The following ZBTB7C variants were observed in gnomAD, a reference collection of about 807,000 sequenced individuals.
ZBTB7C encodes zinc finger and BTB domain containing 7C, also known as zinc finger and BTB domain-containing protein 7C.
ZBTB7C carries 8 observed loss-of-function variants against 25.7 expected under a neutral mutation model. The ratio of observed to expected loss-of-function variants is 0.31; its 90% CI spans 0.18 to 0.56. ZBTB7C has a LOEUF of 0.56. ZBTB7C is among the 20% of genes least tolerant of loss of function. ZBTB7C has a pLI of 0.91. For missense variants in ZBTB7C, 824 were observed against 855.2 expected (o/e 0.96, Z 0.46); for synonymous variants, 394 against 369.0 (o/e 1.07, Z -0.78).
intron 1 of ZBTB7C, among the ~76,000 whole-genome samples, chr18:48,390,640 G>A (rs1023534588): frequency 1.3e-5 from 2 of 152,300 alleles, no homozygotes; most frequent in African/African-American, 4.8e-5. Context: ...TTCCAGCCCT[G>A]ACCAGGGGCT....
At chr18:48,308,314 C>T (rs2045727358) in intron 2 of ZBTB7C, among the ~76,000 whole-genome samples, 1 of 152,228 alleles carries the variant, frequency 6.6e-6, no homozygotes, top group South Asian at 2.1e-4. Context: ...CTCTGCCCTT[C>T]CCCAGCTATT....
chr18:48,309,967 G>A (rs9962010), intron 2 of ZBTB7C, among the ~76,000 whole-genome samples: 2 of 151,926 alleles, frequency 1.3e-5, no homozygotes, highest in Non-Finnish European at 2.9e-5. Context: ...CGGTGGCTCA[G>A]GCCTGTAATC....
At chr18:48,312,357 T>C (rs536249723) in intron 2 of ZBTB7C, among the ~76,000 whole-genome samples, 7 of 152,328 alleles carry the variant, frequency 4.6e-5, no homozygotes, top group South Asian at 4.1e-4. Flanking sequence ...TGGCCTTTGC[T>C]GGCCACCCCA....
chr18:48,255,615 TAATCTTTACAAGA>T (rs143675350), intron 2 of ZBTB7C, among the ~76,000 whole-genome samples: 1,563 of 152,340 alleles, frequency 0.01, 23 homozygotes, highest in African/African-American at 0.035. Context: ...CTATCTGCTT[TAATCTTTACAAGA>T]AAAGTAACTT....
At chr18:48,296,846 C>A (rs959306769) in intron 2 of ZBTB7C, among the ~76,000 whole-genome samples, 3 of 152,056 alleles carry the variant, frequency 2.0e-5, no homozygotes, top group Non-Finnish European at 4.4e-5. Flanking sequence ...CTCACAGGAG[C>A]GCGAACTCTA....
intron 2 of ZBTB7C, among the ~76,000 whole-genome samples, chr18:48,293,013 T>C (rs1160826323): frequency 2.0e-5 from 3 of 152,344 alleles, no homozygotes; most frequent in South Asian, 2.1e-4. Flanking sequence ...AGACAGGAAC[T>C]GTGTCTCACT....
intron 2 of ZBTB7C, among the ~76,000 whole-genome samples, chr18:48,250,881 CTTCTT>C (rs1037917800): frequency 4.6e-5 from 7 of 151,690 alleles, no homozygotes; most frequent in African/African-American, 1.7e-4. Context: ...CCCACTAATG[CTTCTT>C]TTCTTGTGAT....
chr18:48,152,425 A>C (rs1472217399), intron 3 of ZBTB7C, among the ~76,000 whole-genome samples: 2 of 152,230 alleles, frequency 1.3e-5, no homozygotes, highest in Non-Finnish European at 2.9e-5. Context: ...AGGGAAAGAT[A>C]AAATAATCAT....
At position 48,120,323 on chromosome 18, in the gene ZBTB7C, C is replaced by G. The variant is rs1216741060; in HGVS notation, c.-17+65611G>C. 2.0e-5 allele frequency among the ~76,000 whole-genome samples: 3 copies of G among 152,130 alleles called. No homozygotes were observed. In the East Asian group the frequency reaches 5.8e-4, roughly 29 times the overall value. On this transcript the variant is annotated intron_variant, in intron 3 of 4. Transcript: ENST00000590800. ...TGGACCTCAGAGGCAGCCATGGAGG[C>G]GAAAGAAGTGGTCAGGTAATGGCTA...
At chr18:48,099,270 G>A (rs1356433089) in intron 3 of ZBTB7C, among the ~76,000 whole-genome samples, 2 of 152,170 alleles carry the variant, frequency 1.3e-5, no homozygotes, top group Non-Finnish European at 2.9e-5. Flanking sequence ...TTTAGGAAGG[G>A]GCATCAGTGT....
intron 1 of ZBTB7C, among the ~76,000 whole-genome samples, chr18:48,382,771 T>A (rs909883917): frequency 1.3e-5 from 2 of 152,240 alleles, no homozygotes; most frequent in African/African-American, 4.8e-5. Flanking sequence ...TTTGCTTATA[T>A]ACAGATTAGG....
intron 3 of ZBTB7C, among the ~76,000 whole-genome samples, chr18:48,068,051 C>G (rs2037396081): frequency 6.6e-6 from 1 of 152,110 alleles, no homozygotes; most frequent in Admixed American, 6.5e-5. Flanking sequence ...CACTCTCCAT[C>G]CTATTGGTTC....
At chr18:48,288,593 T>G (rs764811047) in intron 2 of ZBTB7C, among the ~76,000 whole-genome samples, 1 of 148,260 alleles carries the variant, frequency 6.7e-6, no homozygotes, top group African/African-American at 2.5e-5. Flanking sequence ...GAGGTGGAGG[T>G]TGCAGTGAGC....
At chr18:48,344,442 G>T (rs1009453922) in intron 1 of ZBTB7C, among the ~76,000 whole-genome samples, 1 of 152,176 alleles carries the variant, frequency 6.6e-6, no homozygotes, top group Non-Finnish European at 1.5e-5. Context: ...ACTGGTCTGG[G>T]ATCACCTTCT....
At chr18:48,245,092 G>A (rs67921686) in intron 2 of ZBTB7C, among the ~76,000 whole-genome samples, 87,314 of 126,154 alleles carry the variant, frequency 0.69, 30,928 homozygotes, top group East Asian at 0.87. Context: ...GTGTGTGTGT[G>A]TATATATATA....
At chr18:48,304,728 C>A (rs775672015) in intron 2 of ZBTB7C, among the ~76,000 whole-genome samples, 11 of 151,118 alleles carry the variant, frequency 7.3e-5, no homozygotes, top group Non-Finnish European at 1.5e-4. Flanking sequence ...GTAATCCCAG[C>A]TGCTCAGGAA....
chr18:48,193,620 G>A (rs1256619910), intron 2 of ZBTB7C, among the ~76,000 whole-genome samples: 5 of 152,222 alleles, frequency 3.3e-5, no homozygotes, highest in Non-Finnish European at 7.3e-5. Context: ...AGCGCTGAGA[G>A]CATATCTCAG....
chr18:48,187,641 G>A (rs146274916), intron 2 of ZBTB7C, among the ~76,000 whole-genome samples: 7,256 of 151,960 alleles, frequency 0.048, 251 homozygotes, highest in Non-Finnish European at 0.07. Context: ...GTGAAACCCC[G>A]TCTCTACTAA....
At position 48,341,189 on chromosome 18, in the gene ZBTB7C, C is replaced by T. The variant is rs189786705; in HGVS notation, c.-303-2791G>A. Reference sequence around the variant, plus strand: ...GTGATTTTGGATTTATCATGTTGTTCCCAGGAGATACAAAGACAATATCTG... The same window carrying T: ...GTGATTTTGGATTTATCATGTTGTTTCCAGGAGATACAAAGACAATATCTG... On this transcript the variant is annotated intron_variant, in intron 1 of 4. Transcript: ENST00000590800. Among the ~76,000 whole-genome samples the T allele has an allele frequency of 9.2e-4, 140 of 152,316 alleles. 1 individual carries two copies. The highest frequency in any genetic ancestry group is 7.5e-3 in the Admixed American group (115 of 15,296).
Sources: gnomAD v4.1 joint callset for allele counts (sites outside exome capture counted in the v4.1 genomes callset) on GRCh38, gnomAD v4.1.1 for gene constraint, MANE v1.5 for transcripts, NCBI Gene and HGNC (gene_info 2026-07-23, HGNC 2026-07-21) for gene names.